Variants in WDR7 observed in about 807,000 individuals in gnomAD.
WDR7 encodes the protein WD repeat-containing protein 7.
Under a neutral mutation model 169.4 loss-of-function variants are expected in WDR7, and 46 were observed. That is an observed-to-expected ratio of 0.27 (90% CI 0.21 to 0.35). The LOEUF (loss-of-function observed/expected upper bound fraction) is 0.35. WDR7 is among the 10% of genes least tolerant of loss of function. The probability of loss-of-function intolerance (pLI) is 1.00; values close to 1 mark genes in which losing one functional copy is unlikely to be tolerated. For synonymous variants in WDR7, 612 were observed against 666.8 expected (o/e 0.92, Z 1.27); for missense variants, 1,534 against 1,859.3 (o/e 0.83, Z 3.22).
At chr18:56,828,833 TGTCTTAAG>T (rs1275396996) in intron 20 of WDR7, among the ~76,000 whole-genome samples, 4 of 152,124 alleles carry the variant, frequency 2.6e-5, no homozygotes, top group Non-Finnish European at 4.4e-5. Context: ...GTGCCTCCTA[TGTCTTAAG>T]AACTAGTGGA....
rs1441921346 is a variant in WDR7, at chr18:56,938,524, G to A, written c.3832-9G>A. ...TCAATCATATCTACAGCATAGAAAT[G>A]TTTTGTAGGTACACAGACATACGGC... On this transcript the variant is annotated splice_polypyrimidine_tract_variant and intron_variant, in intron 23 of 27. Coordinates refer to ENST00000254442, the MANE Select transcript of WDR7 (RefSeq NM_015285.3). The A allele has an allele frequency of 6.8e-6, 11 of 1,613,240 alleles. No homozygotes were observed. The highest frequency in any genetic ancestry group is 2.7e-5 in the African/African-American group (2 of 74,970).
intron 21 of WDR7, among the ~76,000 whole-genome samples, chr18:56,898,510 G>A (rs1457978599): frequency 6.6e-6 from 1 of 152,012 alleles, no homozygotes; most frequent in Non-Finnish European, 1.5e-5. Flanking sequence ...ATGATGAAGG[G>A]TAGCGTTGTC....
chr18:56,761,232 A>G (rs1371703172), intron 16 of WDR7, among the ~76,000 whole-genome samples: 3 of 151,786 alleles, frequency 2.0e-5, no homozygotes, highest in African/African-American at 7.3e-5. Context: ...CTGGTCTTGA[A>G]CTCCTGAGCT....
intron 12 of WDR7, among the ~76,000 whole-genome samples, chr18:56,699,351 C>G (rs775363285): frequency 1.2e-4 from 18 of 152,186 alleles, no homozygotes; most frequent in Middle Eastern, 3.2e-3. Flanking sequence ...AATAGTCCCT[C>G]TCATAAATTG....
At chr18:56,714,148 C>G (rs1400900422) in intron 12 of WDR7, among the ~76,000 whole-genome samples, 1 of 152,052 alleles carries the variant, frequency 6.6e-6, no homozygotes, top group African/African-American at 2.4e-5. Flanking sequence ...TATATTGGGT[C>G]ATTTCCACTT....
chr18:56,748,759 A>G (rs1012020262), intron 14 of WDR7, among the ~76,000 whole-genome samples: 5 of 152,142 alleles, frequency 3.3e-5, no homozygotes, highest in African/African-American at 9.7e-5. Context: ...TTTAAGATGA[A>G]TAATAGTATA....
At chr18:56,935,198 T>C (rs2046941181) in intron 22 of WDR7, among the ~76,000 whole-genome samples, 1 of 152,220 alleles carries the variant, frequency 6.6e-6, no homozygotes, top group Non-Finnish European at 1.5e-5. Flanking sequence ...ATTTTTGGCA[T>C]TAGTACTAAA....
intron 14 of WDR7, among the ~76,000 whole-genome samples, chr18:56,746,160 A>C (rs1343776553): frequency 1.3e-5 from 2 of 152,244 alleles, no homozygotes; most frequent in African/African-American, 4.8e-5. Flanking sequence ...TAACTGGTAC[A>C]TAGTGGTTGT....
chr18:56,754,036 A>G (rs1017436005), intron 14 of WDR7, among the ~76,000 whole-genome samples: 16 of 152,066 alleles, frequency 1.1e-4, no homozygotes, highest in Admixed American at 2.6e-4. Context: ...AAAATGTTCT[A>G]TAATTCCATC....
rs1209010379 is a variant in WDR7 at position 56,930,782 on chromosome 18, A to AC, written c.3714-5004dup. 6.6e-5 allele frequency among the ~76,000 whole-genome samples: 10 copies of AC among 152,252 alleles called. No homozygotes were observed. In the East Asian group the frequency reaches 1.5e-3, roughly 23 times the overall value. On this transcript the variant is annotated intron_variant, in intron 22 of 27. Coordinates refer to ENST00000254442, the MANE Select transcript of WDR7 (RefSeq NM_015285.3). ...TATTTTCATTACCCTGTTCCTATTG[A>AC]CCAAAATTTTCAGGCTATTCAATGA...
chr18:56,933,054 C>T (rs1050827543), intron 22 of WDR7, among the ~76,000 whole-genome samples: 2 of 152,192 alleles, frequency 1.3e-5, no homozygotes, highest in Admixed American at 6.5e-5. Flanking sequence ...GTCCCAGCAG[C>T]ACACAGCTGG....
chr18:56,713,689 A>C (rs2026131623), intron 12 of WDR7, among the ~76,000 whole-genome samples: 1 of 152,198 alleles, frequency 6.6e-6, no homozygotes, highest in Admixed American at 6.5e-5. Flanking sequence ...AAGATGAAGT[A>C]GAATGGAATT....
chr18:56,772,265 A>C (rs943425811), intron 16 of WDR7, among the ~76,000 whole-genome samples: 4 of 152,088 alleles, frequency 2.6e-5, no homozygotes, highest in Admixed American at 2.6e-4. Context: ...AAAGAAGTAA[A>C]CCAAGGAAAA....
intron 20 of WDR7, among the ~76,000 whole-genome samples, chr18:56,836,845 C>A (rs1352691150): frequency 6.6e-6 from 1 of 152,134 alleles, no homozygotes; most frequent in Non-Finnish European, 1.5e-5. Flanking sequence ...ACAGCATTTT[C>A]AGTAATACCT....
intron 14 of WDR7, among the ~76,000 whole-genome samples, chr18:56,736,902 G>A (rs2026712428): frequency 2.0e-5 from 3 of 152,130 alleles, no homozygotes; most frequent in Admixed American, 2.0e-4. Context: ...GTGGGACAAT[G>A]CAGGAGGACA....
Position 56,773,650 on chromosome 18 carries a change from G to C in WDR7, c.2849-3132G>C, listed in dbSNP as rs184515723. Among the ~76,000 whole-genome samples, 459 of 152,100 alleles carry C rather than the reference G, an allele frequency of 3.0e-3. 2 individuals are homozygous for C. The highest frequency in any genetic ancestry group is 6.0e-3 in the Non-Finnish European group (408 of 67,934). ...CCTCAAAAAGTCAAGCATTAAAAAA[G>C]AGGCAATGAAACCTGAACTAATGAT... On this transcript the variant is annotated intron_variant, in intron 16 of 27. Coordinates refer to ENST00000254442, the MANE Select transcript of WDR7 (RefSeq NM_015285.3).
intron 21 of WDR7, among the ~76,000 whole-genome samples, chr18:56,889,861 A>G (rs1265243194): frequency 2.0e-5 from 3 of 152,182 alleles, no homozygotes; most frequent in South Asian, 4.1e-4. Flanking sequence ...AAAAATTCAC[A>G]TATCTGGGCT....
intron 21 of WDR7, among the ~76,000 whole-genome samples, chr18:56,904,021 G>T (rs375581148): frequency 6.6e-6 from 1 of 151,966 alleles, no homozygotes; most frequent in Non-Finnish European, 1.5e-5. Flanking sequence ...AAAGTTGATG[G>T]ATTGATAAAT....
chr18:56,680,087 T>G (rs1248537969), intron 3 of WDR7, among the ~76,000 whole-genome samples: 1 of 152,212 alleles, frequency 6.6e-6, no homozygotes, highest in Non-Finnish European at 1.5e-5. Flanking sequence ...CTATGTGTGG[T>G]GGCTCACTCC....
Sources: gnomAD v4.1 joint callset for allele counts (sites outside exome capture counted in the v4.1 genomes callset) on GRCh38, gnomAD v4.1.1 for gene constraint, MANE v1.5 for transcripts, NCBI Gene and HGNC (gene_info 2026-07-23, HGNC 2026-07-21) for gene names.